Variants in PCBP3 observed in about 807,000 individuals in gnomAD.
The protein encoded by PCBP3 is poly(rC) binding protein 3, also known as poly(rC)-binding protein 3.
Under a neutral mutation model 52.7 loss-of-function variants are expected in PCBP3, and 25 were observed. The observed-to-expected ratio is 0.47, with a 90% confidence interval of 0.35 to 0.66. PCBP3 has a LOEUF of 0.66. PCBP3 is among the 30% of genes least tolerant of loss of function. The pLI, the probability that PCBP3 is intolerant of heterozygous loss-of-function variation, is 0.01. For synonymous variants in PCBP3, 162 were observed against 183.0 expected, an observed-to-expected ratio of 0.89 and a Z score of 0.93; for missense variants, 391 against 490.3, an observed-to-expected ratio of 0.80 and a Z score of 1.91.
chr21:45,727,510 C>T (rs1385436341), intron 2 of PCBP3, among the ~76,000 whole-genome samples: 1 of 152,166 alleles, frequency 6.6e-6, no homozygotes, highest in Non-Finnish European at 1.5e-5. Context: ...GGTCAAGAGG[C>T]AGAGAGAGCA....
chr21:45,738,706 C>A (rs951900017), intron 3 of PCBP3, among the ~76,000 whole-genome samples: 1 of 146,426 alleles, frequency 6.8e-6, no homozygotes, highest in Non-Finnish European at 1.5e-5. Context: ...TCCATGGCCC[C>A]CTGGGTAGCC....
chr21:45,815,581 G>A (rs1454654228), intron 4 of PCBP3, among the ~76,000 whole-genome samples: 16 of 93,034 alleles, frequency 1.7e-4, no homozygotes, highest in African/African-American at 7.7e-4. Flanking sequence ...GTGGTGAGTG[G>A]TGAGTGAGTG....
At position 45,802,340 on chromosome 21, in the gene PCBP3, A is replaced by T. The variant is rs893097423; in HGVS notation, c.-126+46888A>T. Among the ~76,000 whole-genome samples the T allele has an allele frequency of 6.6e-6, 1 of 152,036 alleles. No individual in the cohort carries two copies. The highest frequency in any genetic ancestry group is 2.4e-5 in the African/African-American group (1 of 41,364). On this transcript the variant is annotated intron_variant, in intron 4 of 17. Coordinates refer to ENST00000681687, the MANE Select transcript of PCBP3 (RefSeq NM_001384156.1). The surrounding 1 kb of genome is among the most constrained non-coding windows in gnomAD (Gnocchi z 5.1). The stretch of plus-strand genomic sequence containing the variant: ...GTGTTCCTGAAGCGTCCTGTCTTCC[A>T]TGGTCAGGATGCTCTTTCAAGACAG...
intron 4 of PCBP3, among the ~76,000 whole-genome samples, chr21:45,842,709 G>A (rs1320937545): frequency 1.3e-5 from 2 of 152,234 alleles, no homozygotes; most frequent in Admixed American, 6.5e-5. Flanking sequence ...GGGAAGGGAT[G>A]TCTTGTTACC....
At chr21:45,936,719 A>G (rs1463125738) in intron 16 of PCBP3, among the ~76,000 whole-genome samples, 1 of 152,238 alleles carries the variant, frequency 6.6e-6, no homozygotes, top group Non-Finnish European at 1.5e-5. Context: ...CACTAACACC[A>G]GGTTTGGTGC....
intron 15 of PCBP3, among the ~76,000 whole-genome samples, chr21:45,933,184 T>G (rs149332655): frequency 1.9e-4 from 29 of 149,964 alleles, no homozygotes; most frequent in African/African-American, 6.6e-4. Context: ...TGTCTTGAGA[T>G]GAATGAACAC....
At chr21:45,930,390 C>T (rs1005339794) in intron 14 of PCBP3, among the ~76,000 whole-genome samples, 4 of 152,198 alleles carry the variant, frequency 2.6e-5, no homozygotes, top group East Asian at 1.9e-4. Flanking sequence ...GCACAGCTGA[C>T]GTGGATGCTC....
chr21:45,813,516 A>C (rs750481024), intron 4 of PCBP3, among the ~76,000 whole-genome samples: 6 of 152,144 alleles, frequency 3.9e-5, no homozygotes, highest in Non-Finnish European at 8.8e-5. Context: ...ATCTCAGCTC[A>C]CTGCAACCTC....
intron 1 of PCBP3, among the ~76,000 whole-genome samples, chr21:45,662,487 TGTGGGCGGCAAGCCACCCAG>T (rs1416012942): frequency 1.3e-5 from 2 of 151,864 alleles, no homozygotes; most frequent in African/African-American, 4.8e-5. Context: ...AGAGTTTTTC[TGTGGGCGGCAAGCCACCCAG>T]GTGCTGAGGC....
intron 4 of PCBP3, among the ~76,000 whole-genome samples, chr21:45,767,173 C>A (rs924196469): frequency 2.0e-5 from 3 of 152,128 alleles, no homozygotes; most frequent in Non-Finnish European, 4.4e-5. Flanking sequence ...CATTCTCACC[C>A]CCCCAAAGTA....
At chr21:45,799,172 C>G (rs1319386122) in intron 4 of PCBP3, among the ~76,000 whole-genome samples, 4 of 152,200 alleles carry the variant, frequency 2.6e-5, no homozygotes, top group Admixed American at 2.0e-4. Flanking sequence ...ATTCATGACA[C>G]ACAGATGGGC....
chr21:45,860,769 G>A (rs1212616742), intron 5 of PCBP3, among the ~76,000 whole-genome samples: 1 of 152,246 alleles, frequency 6.6e-6, no homozygotes, highest in African/African-American at 2.4e-5. Flanking sequence ...ACGTGATGCA[G>A]CTGTGCCCCT....
chr21:45,832,598 C>T (rs1486210882), intron 4 of PCBP3: 1 of 152,200 alleles, frequency 6.6e-6, no homozygotes, highest in East Asian at 1.9e-4. Context: ...CCCCGTGGCC[C>T]CGTGCTGACC....
At chr21:45,661,147 A>C (rs988965021) in intron 1 of PCBP3, among the ~76,000 whole-genome samples, 1 of 152,084 alleles carries the variant, frequency 6.6e-6, no homozygotes, top group Non-Finnish European at 1.5e-5. Flanking sequence ...GTTTTTAATA[A>C]TTTTTATTTT....
intron 4 of PCBP3, among the ~76,000 whole-genome samples, chr21:45,764,365 A>C (rs912309198): frequency 1.3e-5 from 2 of 151,736 alleles, no homozygotes; most frequent in Non-Finnish European, 2.9e-5. Context: ...CAGGCAGTCT[A>C]CCCGCCTCCG....
chr21:45,814,857 GTGATGAGTGGTGAC>G (rs2092820668), intron 4 of PCBP3, among the ~76,000 whole-genome samples: 5 of 124,930 alleles, frequency 4.0e-5, no homozygotes, highest in East Asian at 2.9e-4. Context: ...TGAGTGGTGA[GTGATGAGTGGTGAC>G]TGGTGAGTGA....
chr21:45,741,972 G>A lies in PCBP3; in HGVS notation c.-162+6543G>A, dbSNP rs1046760376. On this transcript the variant is annotated intron_variant, in intron 3 of 17. Transcript: ENST00000681687. The surrounding 1 kb of genome is among the most constrained non-coding windows in gnomAD (Gnocchi z 4.5). ...CCTCAGGCATTCAGTACACACTTTCGTGCCCTGCTTTTTAACTGAATAGTA... is the reference window on the plus strand; with the variant it reads ...CCTCAGGCATTCAGTACACACTTTCATGCCCTGCTTTTTAACTGAATAGTA... Among the ~76,000 whole-genome samples the A allele has an allele frequency of 6.6e-6, 1 of 152,176 alleles. No homozygotes were observed. The highest frequency in any genetic ancestry group is 2.4e-5 in the African/African-American group (1 of 41,444).
At chr21:45,835,897 G>A (rs1013525290) in intron 4 of PCBP3, among the ~76,000 whole-genome samples, 1 of 152,192 alleles carries the variant, frequency 6.6e-6, no homozygotes, top group African/African-American at 2.4e-5. Flanking sequence ...CAGGGGAACA[G>A]GCCCCAGGCC....
chr21:45,895,305 G>A (rs187298069), intron 5 of PCBP3, among the ~76,000 whole-genome samples: 229 of 152,304 alleles, frequency 1.5e-3, no homozygotes, highest in Middle Eastern at 6.8e-3. Context: ...GAATCAAAGG[G>A]CAGTGTCCAG....
Sources: gnomAD v4.1 joint callset for allele counts (sites outside exome capture counted in the v4.1 genomes callset) on GRCh38, gnomAD v4.1.1 for gene constraint, Gnocchi (gnomAD v3.1) non-coding constraint, MANE v1.5 for transcripts, NCBI Gene and HGNC (gene_info 2026-07-23, HGNC 2026-07-21) for gene names.